The following CCSER2 variants were observed in gnomAD, a reference collection of about 807,000 sequenced individuals.
CCSER2 encodes the protein coiled-coil serine rich protein 2.
A neutral mutation model predicts 92.3 loss-of-function variants in CCSER2; 46 were observed. That is an observed-to-expected ratio of 0.50 (90% CI 0.39 to 0.64). The LOEUF is 0.64. CCSER2 is among the 30% of genes least tolerant of loss of function. The pLI, the probability that CCSER2 is intolerant of heterozygous loss-of-function variation, is 0.00. For missense variants in CCSER2, 1,244 were observed against 1,238.9 expected, an observed-to-expected ratio of 1.00 and a Z score of -0.06; for synonymous variants, 433 against 431.4, an observed-to-expected ratio of 1.00 and a Z score of -0.04.
intron 1 of CCSER2, among the ~76,000 whole-genome samples, chr10:84,353,078 C>T (rs916101574): frequency 6.6e-6 from 1 of 152,224 alleles, no homozygotes; most frequent in Admixed American, 6.5e-5. Flanking sequence ...GGGCGTGAGC[C>T]ACCGCGCCCA....
chr10:84,442,586 A>C (rs71487111), intron 6 of CCSER2, among the ~76,000 whole-genome samples: 8,864 of 152,228 alleles, frequency 0.058, 370 homozygotes, highest in Admixed American at 0.1. Context: ...TGTGTTTTTT[A>C]AAAAATCTCT....
chr10:84,445,013 A>G (rs1195704162), intron 6 of CCSER2, among the ~76,000 whole-genome samples: 2 of 152,118 alleles, frequency 1.3e-5, no homozygotes, highest in Non-Finnish European at 2.9e-5. Flanking sequence ...TGCATTTTAA[A>G]CTCAGGGCTT....
rs986745038 is a variant in CCSER2 at position 84,517,877 on chromosome 10, A to G, written c.*3610A>G. 14 of 152,606 alleles carry G rather than the reference A, an allele frequency of 9.2e-5. No homozygotes were observed. The highest frequency in any genetic ancestry group is 2.9e-4 in the African/African-American group (12 of 41,452). The allele number at this position is 152,606 out of a possible 1,614,324, so 9.5% of individuals were successfully genotyped here. A position where few individuals can be genotyped will look rare whatever the true frequency, so the allele number is the denominator to read the frequency against. ...TTGTCATACTGGTTTCCTGGTCTCT[A>G]GGGCACTGGGGATGTACTTTGAAAT... is the stretch of plus-strand genomic sequence containing the variant. On this transcript the variant is annotated 3_prime_UTR_variant, in exon 10 of 10. Coordinates refer to ENST00000372088, the MANE Select transcript of CCSER2 (RefSeq NM_001284240.2).
intron 1 of CCSER2, among the ~76,000 whole-genome samples, chr10:84,364,637 T>C (rs1472180167): frequency 6.6e-6 from 1 of 152,212 alleles, no homozygotes; most frequent in Non-Finnish European, 1.5e-5. Flanking sequence ...TGCTTAATAA[T>C]ATTTGCTGCT....
At chr10:84,388,293 C>T (rs1841336802) in intron 3 of CCSER2, among the ~76,000 whole-genome samples, 1 of 152,166 alleles carries the variant, frequency 6.6e-6, no homozygotes, top group East Asian at 1.9e-4. Flanking sequence ...AATAAAGTCT[C>T]AAAGTTTGGT....
intron 6 of CCSER2, among the ~76,000 whole-genome samples, chr10:84,444,501 A>G (rs1844787272): frequency 1.3e-5 from 2 of 152,172 alleles, no homozygotes; most frequent in African/African-American, 4.8e-5. Context: ...CATAGCTGGA[A>G]AGGGTGAGGC....
intron 9 of CCSER2, among the ~76,000 whole-genome samples, chr10:84,479,105 C>CA (rs1275087066): frequency 2.6e-5 from 4 of 152,060 alleles, no homozygotes; most frequent in African/African-American, 7.2e-5. Context: ...GTCTTTATAC[C>CA]ACCTCTGGCT....
At chr10:84,362,768 A>G (rs765548956) in intron 1 of CCSER2, among the ~76,000 whole-genome samples, 117 of 151,922 alleles carry the variant, frequency 7.7e-4, no homozygotes, top group Non-Finnish European at 1.4e-3. Context: ...ACCATTTTAA[A>G]CCTTTACTTT....
chr10:84,379,157 T>C (rs950780942), intron 3 of CCSER2, among the ~76,000 whole-genome samples: 2 of 152,204 alleles, frequency 1.3e-5, no homozygotes, highest in African/African-American at 4.8e-5. Context: ...TTTTTAGATA[T>C]TGGCATATTA....
chr10:84,477,351 G>A (rs987490898), intron 8 of CCSER2, among the ~76,000 whole-genome samples: 2 of 152,110 alleles, frequency 1.3e-5, no homozygotes, highest in South Asian at 2.1e-4. Context: ...CTTCAAAAAA[G>A]TAGCCAGAAC....
At chr10:84,351,446 G>A (rs1363569080) in intron 1 of CCSER2, among the ~76,000 whole-genome samples, 1 of 152,014 alleles carries the variant, frequency 6.6e-6, no homozygotes, top group Non-Finnish European at 1.5e-5. Flanking sequence ...TGGCCAGGCT[G>A]GTCTAGAACT....
intron 3 of CCSER2, among the ~76,000 whole-genome samples, chr10:84,379,281 C>T (rs1304015569): frequency 3.9e-5 from 6 of 152,160 alleles, no homozygotes; most frequent in South Asian, 2.1e-4. Context: ...CTTATAGGGA[C>T]GTCTGCTTTT....
At chr10:84,329,446 C>T (rs1843440486) in intron 1 of CCSER2, among the ~76,000 whole-genome samples, 1 of 152,166 alleles carries the variant, frequency 6.6e-6, no homozygotes, top group East Asian at 1.9e-4. Flanking sequence ...GCTCCCCGAC[C>T]AATGAGGCTG....
rs917738945 is a variant in CCSER2, at chr10:84,383,494, T to C, written c.1614+9679T>C. ...CCTGGCTGATTTTTTGTATTTTTAGTAGAGACGGGGTTTCACCATGTTAGC... is the reference window on the plus strand; with the variant it reads ...CCTGGCTGATTTTTTGTATTTTTAGCAGAGACGGGGTTTCACCATGTTAGC... On this transcript the variant is annotated intron_variant, in intron 3 of 9. Coordinates refer to ENST00000372088, the MANE Select transcript of CCSER2 (RefSeq NM_001284240.2). 2.0e-5 allele frequency among the ~76,000 whole-genome samples: 3 copies of C among 152,050 alleles called. No homozygotes were observed. The East Asian group carries it at 5.8e-4, about 29-fold the overall frequency.
chr10:84,356,732 C>T (rs1266399799), intron 1 of CCSER2, among the ~76,000 whole-genome samples: 6 of 152,106 alleles, frequency 3.9e-5, no homozygotes, highest in Non-Finnish European at 4.4e-5. Flanking sequence ...AAATCAATAT[C>T]ATGCATTAGT....
At chr10:84,346,778 T>TATATATA (rs1462981204) in intron 1 of CCSER2, among the ~76,000 whole-genome samples, 5 of 145,706 alleles carry the variant, frequency 3.4e-5, no homozygotes, top group Non-Finnish European at 7.6e-5. Context: ...ATATATATAT[T>TATATATA]TATTTATTTA....
intron 9 of CCSER2, among the ~76,000 whole-genome samples, chr10:84,488,404 G>T (rs1294543568): frequency 2.0e-5 from 3 of 152,156 alleles, no homozygotes; most frequent in Non-Finnish European, 2.9e-5. Context: ...CTTAATTATT[G>T]CCTCAATTTC....
chr10:84,498,584 AT>A (rs1204469097), intron 9 of CCSER2, among the ~76,000 whole-genome samples: 3 of 152,070 alleles, frequency 2.0e-5, no homozygotes, highest in African/African-American at 7.2e-5. Flanking sequence ...AGTGAGAAAA[AT>A]TTTTTTCATT....
At chr10:84,332,436 A>ATATATATTTTTTTTTTTTTTT (rs1401635246) in intron 1 of CCSER2, among the ~76,000 whole-genome samples, 1 of 55,208 alleles carries the variant, frequency 1.8e-5, no homozygotes, top group East Asian at 6.3e-4. Context: ...ATATATATAT[A>ATATATATTTTTTTTTTTTTTT]TTTTTTTTTT....
Sources: allele counts gnomAD v4.1 joint callset (sites outside exome capture counted in the v4.1 genomes callset), GRCh38; gene constraint gnomAD v4.1.1; transcripts MANE v1.5; gene names NCBI Gene and HGNC (gene_info 2026-07-23, HGNC 2026-07-21).